The following TP53INP1 variants were observed in gnomAD, a reference collection of about 807,000 sequenced individuals.
TP53INP1 encodes the protein tumor protein p53-inducible nuclear protein 1.
Under a neutral mutation model 21.0 loss-of-function variants are expected in TP53INP1, and 12 were observed. The ratio of observed to expected loss-of-function variants is 0.57; its 90% CI spans 0.37 to 0.93. The LOEUF is 0.93. TP53INP1 is among the 40% of genes least tolerant of loss of function. The pLI is 0.01. For missense variants in TP53INP1, 274 were observed against 294.7 expected, an observed-to-expected ratio of 0.93 and a Z score of 0.51; for synonymous variants, 91 against 94.8, an observed-to-expected ratio of 0.96 and a Z score of 0.23.
At chr8:94,940,454 T>C (rs960350405) in intron 2 of TP53INP1, among the ~76,000 whole-genome samples, 1 of 151,148 alleles carries the variant, frequency 6.6e-6, no homozygotes, top group African/African-American at 2.4e-5. Context: ...TCTGTGTGTG[T>C]GTGTGTGTGT....
At chr8:94,941,267 C>G (rs1269044140) in intron 1 of TP53INP1, among the ~76,000 whole-genome samples, 176 bp from the exon 2 acceptor site, 1 of 152,136 alleles carries the variant, frequency 6.6e-6, no homozygotes, top group African/African-American at 2.4e-5. Flanking sequence ...TTTGTAAATA[C>G]TCTTACTCAA....
In TP53INP1 at chr8:94,930,253, G is replaced by T; in HGVS notation, c.*226C>A. The stretch of plus-strand genomic sequence containing the variant: ...CTGTAATTATATTGATATGTTTCCA[G>T]AAATAATCTGAAAAAGTGTACAAAA... On this transcript the variant is annotated 3_prime_UTR_variant, in exon 4 of 4. Coordinates refer to ENST00000342697, the MANE Select transcript of TP53INP1 (RefSeq NM_033285.4). 1.8e-6 allele frequency: 1 copy of T among 558,010 alleles called. No homozygotes were observed. Among genetic ancestry groups the T allele is most frequent in the African/African-American group, 1.9e-5 (1 of 53,072 alleles). 34.6% of individuals were successfully genotyped at this position (558,010 alleles called of 1,614,324 possible).
Position 94,946,481 on chromosome 8 carries a change from A to C in TP53INP1, c.-151+2673T>G, listed in dbSNP as rs570199694. Among the ~76,000 whole-genome samples the C allele has an allele frequency of 2.9e-3, 441 of 151,966 alleles. 1 individual carries two copies. Among genetic ancestry groups the C allele is most frequent in the Non-Finnish European group, 4.2e-3 (286 of 67,950 alleles). ...TTTGGGATGCCAAGGCAGGAGGATCACTTTAAGCCAGGAGTTCAAGACCAG... is the reference window on the plus strand; with the variant it reads ...TTTGGGATGCCAAGGCAGGAGGATCCCTTTAAGCCAGGAGTTCAAGACCAG... On this transcript the variant is annotated intron_variant, in intron 1 of 3. Transcript: ENST00000342697.
chr8:94,937,194 C>T (rs1821061645), intron 3 of TP53INP1, among the ~76,000 whole-genome samples: 2 of 152,124 alleles, frequency 1.3e-5, no homozygotes, highest in African/African-American at 4.8e-5. Context: ...TGCCCAAAAA[C>T]ACTTTGGGAG....
rs1343804775 is a variant in TP53INP1, at chr8:94,949,142, C to T, written c.-151+12G>A. The T allele has an allele frequency of 3.8e-4, 57 of 149,524 alleles. 1 individual carries two copies. Among genetic ancestry groups the T allele is most frequent in the African/African-American group, 2.2e-4 (9 of 41,126 alleles). The allele number at this position is 149,524 out of a possible 1,614,324, so 9.3% of individuals were successfully genotyped here. On this transcript the variant is annotated intron_variant, in intron 1 of 3. Coordinates refer to ENST00000342697, the MANE Select transcript of TP53INP1 (RefSeq NM_033285.4). Reference sequence around the variant, plus strand: ...CTGGACGGACGCCCGCCCGCCCCCCCCCGGCACTTACGTGGGCCCGGGCCG... The same window carrying T: ...CTGGACGGACGCCCGCCCGCCCCCCTCCGGCACTTACGTGGGCCCGGGCCG...
intron 3 of TP53INP1, 72 bp from the exon 4 acceptor site, chr8:94,930,800 GC>G (rs1337995091): frequency 6.6e-7 from 1 of 1,523,488 alleles, no homozygotes; most frequent in African/African-American, 1.4e-5. Flanking sequence ...AAGTTACTTA[GC>G]AATTCAATTT....
intron 1 of TP53INP1, among the ~76,000 whole-genome samples, chr8:94,941,995 C>T (rs1586741777): frequency 6.6e-6 from 1 of 152,088 alleles, no homozygotes; most frequent in South Asian, 2.1e-4. Flanking sequence ...GCAGCAGCAG[C>T]TGGCAGTTAT....
At chr8:94,937,434 C>CG (rs1327625655) in intron 3 of TP53INP1, among the ~76,000 whole-genome samples, 12 of 141,104 alleles carry the variant, frequency 8.5e-5, no homozygotes, top group African/African-American at 3.6e-4. Flanking sequence ...CAGTGAGACT[C>CG]CATCTCAAAA....
At chr8:94,932,504 A>G (rs1820510961) in intron 3 of TP53INP1, among the ~76,000 whole-genome samples, 1 of 152,328 alleles carries the variant, frequency 6.6e-6, no homozygotes, top group African/African-American at 2.4e-5. Flanking sequence ...AGACTTCCTT[A>G]TAAGAATTTC....
At chr8:94,941,731 C>G (rs1457872210) in intron 1 of TP53INP1, among the ~76,000 whole-genome samples, 1 of 152,206 alleles carries the variant, frequency 6.6e-6, no homozygotes, top group Non-Finnish European at 1.5e-5. Context: ...CAGCCACCTG[C>G]ATTCAAACCC....
chr8:94,933,151 G>A (rs568217609), intron 3 of TP53INP1, among the ~76,000 whole-genome samples: 2 of 152,308 alleles, frequency 1.3e-5, no homozygotes, highest in South Asian at 4.1e-4. Flanking sequence ...CCAGTGCGGA[G>A]GTTGCAGTGA....
At position 94,949,196 on chromosome 8, in the gene TP53INP1, C is replaced by T. The variant is rs1203583130; in HGVS notation, c.-193G>A. ...GGGGCTGCGCGGGGAAGGGAGCGGC[C>T]GCCGGCTCGGCGGGGAAGGACGCGG... On this transcript the variant is annotated 5_prime_UTR_variant, in exon 1 of 4. Transcript: ENST00000342697. 7.3e-5 allele frequency: 11 copies of T among 150,788 alleles called. No individual in the cohort carries two copies. The highest frequency in any genetic ancestry group is 2.4e-4 in the African/African-American group (10 of 41,244). 9.3% of individuals were successfully genotyped at this position (150,788 alleles called of 1,614,324 possible).
chr8:94,941,064 A>C lies in TP53INP1; in HGVS notation c.-123T>G, dbSNP rs547022823. The C allele has an allele frequency of 7.6e-5, 51 of 672,168 alleles. No individual in the cohort carries two copies. Among genetic ancestry groups the C allele is most frequent in the Non-Finnish European group, 1.2e-4 (47 of 391,724 alleles). The allele number at this position is 672,168 out of a possible 1,614,324, so 41.6% of individuals were successfully genotyped here. ...AGTGCACAGGGTGCTTATTCAACTT[A>C]GGTGAAAAGCAAGAAGAGTCATTGT... On this transcript the variant is annotated 5_prime_UTR_variant, in exon 2 of 4. Transcript: ENST00000342697.
Position 94,927,276 on chromosome 8 carries a change from T to C in TP53INP1, c.*3203A>G. The C allele has an allele frequency of 6.6e-6, 1 of 152,550 alleles. No individual in the cohort carries two copies. Among genetic ancestry groups the C allele is most frequent in the African/African-American group, 2.4e-5 (1 of 41,446 alleles). The allele number at this position is 152,550 out of a possible 1,614,324, so 9.4% of individuals were successfully genotyped here. On this transcript the variant is annotated 3_prime_UTR_variant, in exon 4 of 4. Transcript: ENST00000342697. ...GTACATAAAGATAATATATAATGTA[T>C]TTCATTGAGGAGGAAGAGAAGTAGC... is the stretch of plus-strand genomic sequence containing the variant.
chr8:94,939,473 T>C (rs1821307395), intron 3 of TP53INP1, among the ~76,000 whole-genome samples: 1 of 152,228 alleles, frequency 6.6e-6, no homozygotes, highest in African/African-American at 2.4e-5. Context: ...CTTGACTCAA[T>C]GCAACCTCTG....
chr8:94,931,347 C>G (rs1820373477), intron 3 of TP53INP1, among the ~76,000 whole-genome samples: 1 of 152,142 alleles, frequency 6.6e-6, no homozygotes, highest in Admixed American at 6.5e-5. Context: ...TATCTCACAA[C>G]AGGGCACATT....
chr8:94,932,107 C>T, intron 3 of TP53INP1: 1 of 1,609,554 alleles, frequency 6.2e-7, no homozygotes, highest in Non-Finnish European at 8.5e-7. Flanking sequence ...TTTTCCTGGC[C>T]CTACAAATGT....
intron 3 of TP53INP1, 42 bp downstream of exon 3, chr8:94,939,818 C>T: frequency 1.3e-6 from 2 of 1,577,080 alleles, no homozygotes; most frequent in Non-Finnish European, 1.7e-6. Context: ...AAAATGCATG[C>T]TCAGTGGACT....
At chr8:94,935,142 TA>T (rs1820847837) in intron 3 of TP53INP1, among the ~76,000 whole-genome samples, 1 of 151,444 alleles carries the variant, frequency 6.6e-6, no homozygotes, top group Admixed American at 6.6e-5. Flanking sequence ...GATAGATAGA[TA>T]GATAGATAGA....
Sources: gnomAD v4.1 joint callset for allele counts (sites outside exome capture counted in the v4.1 genomes callset) on GRCh38, gnomAD v4.1.1 for gene constraint, MANE v1.5 for transcripts, NCBI Gene and HGNC (gene_info 2026-07-23, HGNC 2026-07-21) for gene names.